SGCE: variants seen among roughly 807,000 people sequenced by gnomAD.
SGCE encodes the protein sarcoglycan epsilon.
In SGCE, 26 loss-of-function variants were observed where a neutral mutation model predicts 57.8. The observed-to-expected ratio is 0.45, with a 90% CI of 0.33 to 0.62. The LOEUF is 0.62. SGCE is among the 20% of genes least tolerant of loss of function. The probability of loss-of-function intolerance (pLI) is 0.02; values close to 1 mark genes in which losing one functional copy is unlikely to be tolerated. For missense variants in SGCE, 468 were observed against 548.6 expected (o/e 0.85, Z 1.47); for synonymous variants, 183 against 189.5 (o/e 0.97, Z 0.28).
intron 9 of SGCE, among the ~76,000 whole-genome samples, chr7:94,593,184 T>C (rs569871636): frequency 3.9e-5 from 6 of 152,264 alleles, no homozygotes; most frequent in South Asian, 4.1e-4. Context: ...TTAGAAGACT[T>C]AATTCTACTT....
At chr7:94,601,086 T>C (rs940178369) in intron 6 of SGCE, among the ~76,000 whole-genome samples, 1 of 152,162 alleles carries the variant, frequency 6.6e-6, no homozygotes, top group Admixed American at 6.6e-5. Flanking sequence ...TCCTAAAACA[T>C]ATATACATAT....
chr7:94,586,980 C>G (rs1319216577), intron 10 of SGCE: 16 of 984,084 alleles, frequency 1.6e-5, no homozygotes, highest in Non-Finnish European at 1.9e-5. Flanking sequence ...ATAATATGAT[C>G]CAAATTGCAG....
rs114824860 is a variant in SGCE, at chr7:94,631,773, G to C, written c.110-1932C>G. On this transcript the variant is annotated intron_variant, in intron 1 of 10. Coordinates refer to ENST00000648936, the MANE Select transcript of SGCE (RefSeq NM_003919.3). ...GGGAGTTTTGAACTCCTGCTAAAAA[G>C]TCATTTCACTCTGTATATCAAAGTA... Among the ~76,000 whole-genome samples, 371 of 151,980 alleles carry C rather than the reference G, an allele frequency of 2.4e-3. 2 individuals are homozygous for C. Among genetic ancestry groups the C allele is most frequent in the African/African-American group, 8.4e-3 (349 of 41,486 alleles).
chr7:94,632,921 C>T (rs559840724), intron 1 of SGCE, among the ~76,000 whole-genome samples: 1 of 152,080 alleles, frequency 6.6e-6, no homozygotes, highest in Non-Finnish European at 1.5e-5. Flanking sequence ...ACAGTTAACA[C>T]ATGTTGCAGT....
intron 3 of SGCE, chr7:94,623,631 A>T (rs1433785849): frequency 4.0e-6 from 2 of 501,566 alleles, no homozygotes; most frequent in East Asian, 6.2e-5. Flanking sequence ...TTAAAATCAG[A>T]AAGACTCTTT....
intron 10 of SGCE, among the ~76,000 whole-genome samples, chr7:94,586,327 C>G (rs1301374692): frequency 6.6e-6 from 1 of 151,998 alleles, no homozygotes; most frequent in Non-Finnish European, 1.5e-5. Context: ...AGAAAAGCTG[C>G]CGTACTCACA....
At chr7:94,647,393 A>G (rs1372687830) in intron 1 of SGCE, among the ~76,000 whole-genome samples, 1 of 152,070 alleles carries the variant, frequency 6.6e-6, no homozygotes, top group Non-Finnish European at 1.5e-5. Flanking sequence ...TCATCTCCCC[A>G]TCACCACGCT....
chr7:94,590,782 C>T (rs559919250), intron 9 of SGCE: 1 of 152,272 alleles, frequency 6.6e-6, no homozygotes, highest in African/African-American at 2.4e-5. Flanking sequence ...CTGGCCCCTA[C>T]AGCAATTCTA....
intron 1 of SGCE, among the ~76,000 whole-genome samples, chr7:94,645,225 G>T (rs1302363351): frequency 6.6e-6 from 1 of 152,094 alleles, no homozygotes; most frequent in Non-Finnish European, 1.5e-5. Flanking sequence ...AGGTGATTTT[G>T]TTGTGCAGTC....
intron 1 of SGCE, among the ~76,000 whole-genome samples, chr7:94,648,905 T>C (rs1272295762): frequency 6.6e-6 from 1 of 152,236 alleles, no homozygotes; most frequent in African/African-American, 2.4e-5. Flanking sequence ...ATCCCTTCTT[T>C]CAAATTTGCA....
chr7:94,644,530 T>C (rs1397876422), intron 1 of SGCE: 5 of 529,862 alleles, frequency 9.4e-6, no homozygotes, highest in Non-Finnish European at 1.5e-5. Context: ...TAATAAATAA[T>C]AACTTATTCA....
rs1227771984 is a variant in SGCE at position 94,598,969 on chromosome 7, T to C, written c.1065-6A>G. 6.2e-7 allele frequency: 1 copy of C among 1,610,620 alleles called. No individual in the cohort carries two copies. The highest frequency in any genetic ancestry group is 1.7e-5 in the Admixed American group (1 of 59,870). ...TGTGATGGACCAGTTGGATGCTAGG[T>C]CAAAAAGAAATAAAACAACATATAT... On this transcript the variant is annotated splice_region_variant and splice_polypyrimidine_tract_variant and intron_variant, in intron 8 of 10. Transcript: ENST00000648936.
In SGCE at chr7:94,600,895, G is replaced by A. The variant is rs370373105; in HGVS notation, c.826-38C>T. 1.6e-5 allele frequency: 23 copies of A among 1,481,102 alleles called. No individual in the cohort carries two copies. The East Asian group carries it at 1.6e-4, about 10-fold the overall frequency. 91.7% of individuals were successfully genotyped at this position (1,481,102 alleles called of 1,614,324 possible). ...AAGACAATTACACAACAAATTAATC[G>A]TTGCAAACATTATGAGATTTTAAGA... On this transcript the variant is annotated intron_variant, in intron 6 of 10. Transcript: ENST00000648936.
At chr7:94,628,158 A>ACT in intron 3 of SGCE, 44 bp downstream of exon 3, 1 of 1,471,218 alleles carries the variant, frequency 6.8e-7, no homozygotes. Flanking sequence ...ACACACACAC[A>ACT]CACACATATA....
At chr7:94,652,130 C>T (rs1481296669) in intron 1 of SGCE, among the ~76,000 whole-genome samples, 2 of 152,058 alleles carry the variant, frequency 1.3e-5, no homozygotes, top group East Asian at 1.9e-4. Flanking sequence ...AGAAAGAAAA[C>T]AGCCATCATA....
chr7:94,601,122 G>A lies in SGCE; in HGVS notation c.826-265C>T, dbSNP rs114541794. Among the ~76,000 whole-genome samples, 495 of 151,954 alleles carry A rather than the reference G, an allele frequency of 3.3e-3. 1 individual carries two copies. Among genetic ancestry groups the A allele is most frequent in the African/African-American group, 0.011 (463 of 41,426 alleles). ...ACATTTACATGTGTACATATTTAACGTGTGTGCCTATACGTGTAGTTGTTC... is the reference window on the plus strand; with the variant it reads ...ACATTTACATGTGTACATATTTAACATGTGTGCCTATACGTGTAGTTGTTC... On this transcript the variant is annotated intron_variant, in intron 6 of 10. Transcript: ENST00000648936.
At chr7:94,586,560 C>G (rs1021154829) in intron 10 of SGCE, 2 of 152,132 alleles carry the variant, frequency 1.3e-5, no homozygotes, top group East Asian at 1.9e-4. Context: ...AGTACAATGG[C>G]GTGATCTTGG....
intron 3 of SGCE, chr7:94,624,123 T>C (rs1803295130): frequency 7.8e-6 from 3 of 385,466 alleles, no homozygotes; most frequent in Non-Finnish European, 1.4e-5. Flanking sequence ...TTTAACTTTA[T>C]AACAGATATT....
intron 5 of SGCE, 50 bp from the exon 6 acceptor site, chr7:94,603,502 C>T: frequency 1.3e-6 from 2 of 1,550,082 alleles, no homozygotes; most frequent in Non-Finnish European, 1.8e-6. Context: ...ATTGAAAACA[C>T]TAAAAAACAA....
Sources: gnomAD v4.1 joint callset for allele counts (sites outside exome capture counted in the v4.1 genomes callset) on GRCh38, gnomAD v4.1.1 for gene constraint, MANE v1.5 for transcripts, NCBI Gene and HGNC (gene_info 2026-07-23, HGNC 2026-07-21) for gene names.